ADRA1A: variants seen among roughly 807,000 people sequenced by gnomAD.
The protein encoded by ADRA1A is alpha-1A adrenergic receptor.
In ADRA1A, 31 loss-of-function variants were observed where a neutral mutation model predicts 29.6. The ratio of observed to expected loss-of-function variants is 1.05; its 90% confidence interval spans 0.79 to 1.41. The LOEUF (loss-of-function observed/expected upper bound fraction) is 1.41. Among genes scored for constraint, ADRA1A ranks in the 40% most tolerant of loss-of-function variants. The pLI is 0.00. For missense variants in ADRA1A, 619 were observed against 601.1 expected, an observed-to-expected ratio of 1.03 and a Z score of -0.31; for synonymous variants, 311 against 254.3, an observed-to-expected ratio of 1.22 and a Z score of -2.12.
intron 2 of ADRA1A, among the ~76,000 whole-genome samples, chr8:26,785,831 T>A (rs192572997): frequency 4.3e-4 from 65 of 152,312 alleles, no homozygotes; most frequent in Non-Finnish European, 2.9e-4. Flanking sequence ...TGGTATTCAC[T>A]CACTGTTAAG....
At chr8:26,761,896 C>T (rs556470272), downstream of ADRA1A, among the ~76,000 whole-genome samples, 4 of 152,218 alleles carry the variant, frequency 2.6e-5, no homozygotes, top group Admixed American at 6.5e-5. Context: ...GGGACAGGGA[C>T]GAAGAGCAGA....
At chr8:26,788,603 C>T (rs1347428979) in intron 2 of ADRA1A, among the ~76,000 whole-genome samples, 2 of 152,036 alleles carry the variant, frequency 1.3e-5, no homozygotes, top group Non-Finnish European at 2.9e-5. Context: ...TTTCATGCAC[C>T]ACCTCATCTC....
downstream of ADRA1A, among the ~76,000 whole-genome samples, chr8:26,755,477 C>G (rs139439096): frequency 2.4e-3 from 369 of 152,262 alleles, 3 homozygotes; most frequent in African/African-American, 8.1e-3. Context: ...CCATGATAAG[C>G]GAGACTGACT....
downstream of ADRA1A, among the ~76,000 whole-genome samples, chr8:26,751,772 TTA>T (rs1196844373): frequency 6.6e-6 from 1 of 152,240 alleles, no homozygotes; most frequent in African/African-American, 2.4e-5. Context: ...CATTGAATGT[TTA>T]TTATGAACTA....
downstream of ADRA1A, among the ~76,000 whole-genome samples, chr8:26,761,224 T>C (rs1805488386): frequency 6.6e-6 from 1 of 152,264 alleles, no homozygotes; most frequent in Non-Finnish European, 1.5e-5. Context: ...AAATACATTC[T>C]ACAGACAATT....
At chr8:26,839,679 CA>C (rs1433872672) in intron 2 of ADRA1A, among the ~76,000 whole-genome samples, 1 of 152,086 alleles carries the variant, frequency 6.6e-6, no homozygotes, top group Non-Finnish European at 1.5e-5. Context: ...GGTGGCTTCC[CA>C]GAAGAGAAAA....
In ADRA1A at chr8:26,864,214, C is replaced by T. The variant is rs1813694286; in HGVS notation, c.756G>A (p.Lys252=). Residue 252 remains lysine (K), a synonymous_variant, in exon 2 of 3, where the codon AAG becomes AAA. Transcript: ENST00000380573. This position sits in a 1 kb window ranked among gnomAD's most constrained non-coding sequence, Gnocchi z 8.1. The part of the protein sequence containing the change: ...PAGGSGMASA[K]TKTHFSVRLL... ...GCCTCACTGAGAAGTGCGTCTTGGT[C>T]TTGGCGCTGGCCATCCCGCTGCCTC... The T allele has an allele frequency of 6.2e-7, 1 of 1,614,206 alleles. No homozygotes were observed.
chr8:26,819,868 C>A (rs1279570509), intron 2 of ADRA1A, among the ~76,000 whole-genome samples: 1 of 152,064 alleles, frequency 6.6e-6, no homozygotes, highest in Admixed American at 6.6e-5. Context: ...AAAAGACTAA[C>A]TTTAGCTTTA....
At position 26,832,843 on chromosome 8, in the gene ADRA1A, C is replaced by T. The variant is rs184298677; in HGVS notation, c.883+31244G>A. Among the ~76,000 whole-genome samples, 55 of 152,158 alleles carry T rather than the reference C, an allele frequency of 3.6e-4. 1 individual carries two copies. The highest frequency in any genetic ancestry group is 1.5e-3 in the Admixed American group (23 of 15,300). On this transcript the variant is annotated intron_variant, in intron 2 of 2. Transcript: ENST00000380573. Reference sequence around the variant, plus strand: ...AGTCAGGACAAAAGCCTCAGCCCATCCCGGGGAAGGCAGCATTGCTCTGGA... The same window carrying T: ...AGTCAGGACAAAAGCCTCAGCCCATTCCGGGGAAGGCAGCATTGCTCTGGA...
chr8:26,766,934 G>T (rs187207843), downstream of ADRA1A, among the ~76,000 whole-genome samples: 603 of 152,176 alleles, frequency 4.0e-3, 2 homozygotes, highest in African/African-American at 0.014. Flanking sequence ...TGAATATTTT[G>T]GAGAGTGTTA....
At chr8:26,766,346 C>T (rs1212634482), downstream of ADRA1A, among the ~76,000 whole-genome samples, 1 of 152,160 alleles carries the variant, frequency 6.6e-6, no homozygotes, top group Non-Finnish European at 1.5e-5. Flanking sequence ...CCAATGTGGC[C>T]CCTTCTGCAT....
intron 2 of ADRA1A, among the ~76,000 whole-genome samples, chr8:26,789,669 T>C (rs1163908774): frequency 6.6e-6 from 1 of 152,118 alleles, no homozygotes; most frequent in African/African-American, 2.4e-5. Flanking sequence ...AACGGGATTA[T>C]ATCAAACTAA....
In ADRA1A at chr8:26,769,553, AGT is replaced by A. The variant is rs1403834562; in HGVS notation, c.*594_*595del. ...GAAATGAGGAGCAGCATCCATTCAA[AGT>A]GCAGTCAAAGGTAAACCTCACTGCC... On this transcript the variant is annotated 3_prime_UTR_variant, in exon 3 of 3. Coordinates refer to ENST00000380573, the MANE Select transcript of ADRA1A (RefSeq NM_000680.4). The A allele has an allele frequency of 1.0e-6, 1 of 985,320 alleles. No individual in the cohort carries two copies. The highest frequency in any genetic ancestry group is 1.2e-6 in the Non-Finnish European group (1 of 829,936). The allele number at this position is 985,320 out of a possible 1,614,324, so 61.0% of individuals were successfully genotyped here. A position where few individuals can be genotyped will look rare whatever the true frequency, so the allele number is the denominator to read the frequency against.
chr8:26,833,313 T>C (rs1371271350), intron 2 of ADRA1A, among the ~76,000 whole-genome samples: 1 of 152,066 alleles, frequency 6.6e-6, no homozygotes, highest in Non-Finnish European at 1.5e-5. Flanking sequence ...TCGTCTTAGC[T>C]CCTGAGAACT....
Position 26,769,039 on chromosome 8 carries a change from C to T in ADRA1A, c.*1110G>A, listed in dbSNP as rs891650234. On this transcript the variant is annotated 3_prime_UTR_variant, in exon 3 of 3. Transcript: ENST00000380573. The stretch of plus-strand genomic sequence containing the variant: ...CTAAGCATTAGTATTTTTCAAAGTT[C>T]GGGAATAATGTACTTGGATCATAAG... The T allele has an allele frequency of 9.9e-5, 98 of 985,394 alleles. No homozygotes were observed. The highest frequency in any genetic ancestry group is 3.8e-4 in the South Asian group (8 of 21,280). The allele number at this position is 985,394 out of a possible 1,614,324, so 61.0% of individuals were successfully genotyped here. A position where few individuals can be genotyped will look rare whatever the true frequency, so the allele number is the denominator to read the frequency against.
intron 2 of ADRA1A, among the ~76,000 whole-genome samples, chr8:26,830,353 C>G (rs1480516033): frequency 2.0e-5 from 3 of 152,180 alleles, no homozygotes; most frequent in Admixed American, 6.5e-5. Context: ...TATGATGCTC[C>G]CTAAGATCTT....
At chr8:26,766,243 A>G, downstream of ADRA1A, 3 of 894,212 alleles carry the variant, frequency 3.4e-6, no homozygotes, top group South Asian at 4.1e-5. Flanking sequence ...TGTACTTCCC[A>G]AAAGTGTTTC....
At chr8:26,801,048 G>A (rs1027386765) in intron 2 of ADRA1A, among the ~76,000 whole-genome samples, 5 of 152,096 alleles carry the variant, frequency 3.3e-5, no homozygotes, top group African/African-American at 1.2e-4. Flanking sequence ...TTCAATTGTT[G>A]CTGAAAAAGC....
Position 26,866,827 on chromosome 8 carries a change from G to GA in ADRA1A, c.-687+108dup. 1 of 983,330 alleles carries GA rather than the reference G, an allele frequency of 1.0e-6. No individual in the cohort carries two copies. Among genetic ancestry groups the GA allele is most frequent in the Non-Finnish European group, 1.2e-6 (1 of 827,970 alleles). 60.9% of individuals were successfully genotyped at this position (983,330 alleles called of 1,614,324 possible). A position where few individuals can be genotyped will look rare whatever the true frequency, so the allele number is the denominator to read the frequency against. On this transcript the variant is annotated intron_variant, in intron 1 of 2. Coordinates refer to ENST00000380573, the MANE Select transcript of ADRA1A (RefSeq NM_000680.4). This position sits in a 1 kb window ranked among gnomAD's most constrained non-coding sequence, Gnocchi z 5.7. ...AGAGGGGCCGGTATAAAACCTGGTGGAAAAAGCGGGAGGCGCTGGGAAAAG... is the reference window on the plus strand; with the variant it reads ...AGAGGGGCCGGTATAAAACCTGGTGGAAAAAAGCGGGAGGCGCTGGGAAAAG...
Sources: allele counts gnomAD v4.1 joint callset (sites outside exome capture counted in the v4.1 genomes callset), GRCh38; gene constraint gnomAD v4.1.1; non-coding constraint Gnocchi (gnomAD v3.1); transcripts MANE v1.5; gene names NCBI Gene and HGNC (gene_info 2026-07-23, HGNC 2026-07-21).